PHKB: variants seen among roughly 807,000 people sequenced by gnomAD.
PHKB encodes the protein phosphorylase kinase regulatory subunit beta.
Under a neutral mutation model 152.1 loss-of-function variants are expected in PHKB, and 122 were observed. The ratio of observed to expected loss-of-function variants is 0.80; its 90% CI spans 0.69 to 0.93. The LOEUF (loss-of-function observed/expected upper bound fraction) is 0.93, where lower values mean the gene tolerates loss of function less well. Ranked by LOEUF, PHKB falls within the 40% of genes least tolerant of loss-of-function variation. The probability of loss-of-function intolerance (pLI) is 0.00; values close to 1 mark genes in which losing one functional copy is unlikely to be tolerated. For synonymous variants in PHKB, 436 were observed against 464.9 expected (o/e 0.94, Z 0.80); for missense variants, 1,304 against 1,328.4 (o/e 0.98, Z 0.29).
Position 47,633,080 on chromosome 16 carries a change from C to G in PHKB, c.1459-7955C>G, listed in dbSNP as rs146920923. On this transcript the variant is annotated intron_variant, in intron 14 of 30. Transcript: ENST00000323584. The stretch of plus-strand genomic sequence containing the variant: ...ACAATGAAAAAATCTTAGAAAAATA[C>G]AATCTGACTTTATAGAAATGAAAAT... Among the ~76,000 whole-genome samples the G allele has an allele frequency of 4.2e-3, 637 of 152,174 alleles. 6 individuals carry two copies. Among genetic ancestry groups the G allele is most frequent in the African/African-American group, 0.015 (607 of 41,530 alleles).
chr16:47,473,231 T>A (rs1969809340), intron 1 of PHKB, among the ~76,000 whole-genome samples: 2 of 116,748 alleles, frequency 1.7e-5, no homozygotes, highest in Admixed American at 1.6e-4. Context: ...TTTTTTTTTT[T>A]TTTTTTTTTT....
Position 47,681,331 on chromosome 16 carries a change from CT to C in PHKB, c.2631-7707del, listed in dbSNP as rs201806840. Among the ~76,000 whole-genome samples the C allele has an allele frequency of 7.4e-3, 1,091 of 147,264 alleles. 33 individuals are homozygous for C. Among genetic ancestry groups the C allele is most frequent in the African/African-American group, 0.025 (1,014 of 41,016 alleles). Reference sequence around the variant, plus strand: ...TTCAATTCCTGGGTATCCTTGTTAACTTTCTGTCTCGTTGATCTGTCAAATG... The same window carrying C: ...TTCAATTCCTGGGTATCCTTGTTAACTTCTGTCTCGTTGATCTGTCAAATG... On this transcript the variant is annotated intron_variant, in intron 26 of 30. Coordinates refer to ENST00000323584, the MANE Select transcript of PHKB (RefSeq NM_000293.3).
chr16:47,592,039 A>G (rs1972037649), intron 10 of PHKB, among the ~76,000 whole-genome samples: 2 of 152,180 alleles, frequency 1.3e-5, no homozygotes, highest in African/African-American at 4.8e-5. Flanking sequence ...TGGAAGGTAG[A>G]TACTAGGAAT....
intron 7 of PHKB, among the ~76,000 whole-genome samples, chr16:47,570,966 T>C (rs12921481): frequency 0.029 from 4,346 of 152,210 alleles, 81 homozygotes; most frequent in Middle Eastern, 0.051. Flanking sequence ...TCTTTTTTTT[T>C]CCCCCGTTAA....
intron 1 of PHKB, among the ~76,000 whole-genome samples, chr16:47,486,868 T>C (rs1292917175): frequency 6.6e-6 from 1 of 152,240 alleles, no homozygotes; most frequent in Non-Finnish European, 1.5e-5. Context: ...TCAAAAATTG[T>C]ACACCTCAGG....
Position 47,635,733 on chromosome 16 carries a change from T to G in PHKB, c.1459-5302T>G, listed in dbSNP as rs1218414176. Among the ~76,000 whole-genome samples the G allele has an allele frequency of 2.0e-5, 3 of 152,368 alleles. No homozygotes were observed. The East Asian group carries it at 5.8e-4, about 29-fold the overall frequency. ...GAGAGGCAGGATAAGTGAGTGACTA[T>G]GAGCACAGAATCTGCAGTCAGACTG... On this transcript the variant is annotated intron_variant, in intron 14 of 30. Coordinates refer to ENST00000323584, the MANE Select transcript of PHKB (RefSeq NM_000293.3).
intron 6 of PHKB, among the ~76,000 whole-genome samples, chr16:47,516,348 A>C (rs1970597354): frequency 6.6e-6 from 1 of 152,198 alleles, no homozygotes; most frequent in African/African-American, 2.4e-5. Context: ...TGTTTTTCAA[A>C]AGACAAATAC....
rs755903969 is a variant in PHKB, at chr16:47,660,553, C to G, written c.2019C>G (p.Ile673Met). 9 of 1,613,422 alleles carry G rather than the reference C, an allele frequency of 5.6e-6. No individual in the cohort carries two copies. Among genetic ancestry groups the G allele is most frequent in the Non-Finnish European group, 7.6e-6 (9 of 1,179,406 alleles). ...AVVEQLDFLR[I>M]SDTEELPEFK... ...TAGAACAACTTGATTTCCTACGAAT[C>G]AGTGACACAGAAGAGTAAGTCCCTT... The change falls in exon 21 of 31, where the codon ATC (isoleucine) becomes ATG (methionine). Residue 673 changes from isoleucine to methionine, a missense_variant. Ile to Met is a conservative substitution (Grantham distance 10). Transcript: ENST00000323584.
At chr16:47,636,414 G>A (rs769201576) in intron 14 of PHKB, among the ~76,000 whole-genome samples, 1 of 152,158 alleles carries the variant, frequency 6.6e-6, no homozygotes, top group African/African-American at 2.4e-5. Flanking sequence ...AGTTGGTGGG[G>A]CAGGGGCCCC....
At chr16:47,497,741 C>G (rs1333908011) in intron 2 of PHKB, among the ~76,000 whole-genome samples, 3 of 152,064 alleles carry the variant, frequency 2.0e-5, no homozygotes, top group Non-Finnish European at 1.5e-5. Flanking sequence ...TTTAATCTTC[C>G]TAAACATTAC....
intron 1 of PHKB, chr16:47,463,990 T>C: frequency 1.2e-6 from 2 of 1,607,874 alleles, no homozygotes; most frequent in Non-Finnish European, 1.7e-6. Flanking sequence ...TTTCTTAAGG[T>C]CTGGTAAGTG....
chr16:47,524,635 G>T (rs999450823), intron 6 of PHKB, among the ~76,000 whole-genome samples: 1 of 152,126 alleles, frequency 6.6e-6, no homozygotes, highest in Non-Finnish European at 1.5e-5. Flanking sequence ...TGGGAGTGGT[G>T]GTGCGTGCCT....
chr16:47,607,177 T>C (rs1471368057), intron 13 of PHKB, among the ~76,000 whole-genome samples: 1 of 152,230 alleles, frequency 6.6e-6, no homozygotes, highest in Non-Finnish European at 1.5e-5. Flanking sequence ...GTGATTTACA[T>C]ACCATATATT....
Position 47,661,584 on chromosome 16 carries a change from A to G in PHKB, c.2197-135A>G, listed in dbSNP as rs868749650. ...TCATCTTATGCTTGATATTATATCA[A>G]TGACATTTTATCTTCCCTCAGTTAC... On this transcript the variant is annotated intron_variant, in intron 22 of 30. Coordinates refer to ENST00000323584, the MANE Select transcript of PHKB (RefSeq NM_000293.3). 3.4e-5 allele frequency: 24 copies of G among 701,452 alleles called. 1 individual carries two copies. Among genetic ancestry groups the G allele is most frequent in the African/African-American group, 2.6e-4 (15 of 57,308 alleles). 43.5% of individuals were successfully genotyped at this position (701,452 alleles called of 1,614,324 possible).
chr16:47,684,021 G>A (rs1305985295), intron 26 of PHKB, among the ~76,000 whole-genome samples: 1 of 150,118 alleles, frequency 6.7e-6, no homozygotes, highest in African/African-American at 2.4e-5. Flanking sequence ...ATTCTGTATG[G>A]CTTTTTTTTT....
intron 13 of PHKB, chr16:47,598,782 G>A: frequency 6.3e-7 from 1 of 1,581,514 alleles, no homozygotes; most frequent in East Asian, 2.2e-5. Context: ...CTAATTGACT[G>A]CCTTGAAGTT....
In PHKB at chr16:47,461,397, T is replaced by C. The variant is rs1182358775; in HGVS notation, c.47T>C (p.Leu16Ser). The C allele has an allele frequency of 1.9e-6, 3 of 1,613,238 alleles. No homozygotes were observed. The highest frequency in any genetic ancestry group is 2.5e-6 in the Non-Finnish European group (3 of 1,179,820). Residue 16 changes from leucine (L) to serine (S), a missense_variant, in exon 1 of 31, where the codon TTG becomes TCG. Physicochemically the swap from Leu to Ser is moderately radical, Grantham distance 145. Transcript: ENST00000323584. ...GLTAEVSWKVLERRARTKRSG... is the reference protein window; with the variant it reads ...GLTAEVSWKVSERRARTKRSG... ...ACGGCAGAAGTGAGCTGGAAGGTCT[T>C]GGAGCGAAGAGCTCGGACCAAGCGC... is the stretch of plus-strand genomic sequence containing the variant.
intron 1 of PHKB, among the ~76,000 whole-genome samples, chr16:47,469,931 A>G (rs569769061): frequency 6.6e-6 from 1 of 151,294 alleles, no homozygotes; most frequent in African/African-American, 2.5e-5. Flanking sequence ...TAGTGGTGGT[A>G]GTAGTAGTAC....
At chr16:47,638,272 G>A (rs1223494752) in intron 14 of PHKB, among the ~76,000 whole-genome samples, 2 of 152,162 alleles carry the variant, frequency 1.3e-5, no homozygotes, top group Non-Finnish European at 2.9e-5. Context: ...AAGCCAATGG[G>A]ATCTAGGGCA....
Sources: allele counts gnomAD v4.1 joint callset (sites outside exome capture counted in the v4.1 genomes callset), GRCh38; gene constraint gnomAD v4.1.1; transcripts MANE v1.5; gene names NCBI Gene and HGNC (gene_info 2026-07-23, HGNC 2026-07-21).